The following CFAP206 variants were observed in gnomAD, a reference collection of about 807,000 sequenced individuals.
The protein encoded by CFAP206 is cilia- and flagella-associated protein 206.
A neutral mutation model predicts 65.4 loss-of-function variants in CFAP206; 53 were observed. That is an observed-to-expected ratio of 0.81 (90% CI 0.65 to 1.02). The LOEUF is 1.02. Ranked by LOEUF, CFAP206 falls within the 50% of genes least tolerant of loss-of-function variation. The pLI, the probability that CFAP206 is intolerant of heterozygous loss-of-function variation, is 0.00. For missense variants in CFAP206, 663 were observed against 753.2 expected (o/e 0.88, Z 1.40); for synonymous variants, 250 against 254.4 (o/e 0.98, Z 0.17).
chr6:87,446,617 A>G (rs1425950682), intron 11 of CFAP206, among the ~76,000 whole-genome samples: 1 of 152,142 alleles, frequency 6.6e-6, no homozygotes, highest in Non-Finnish European at 1.5e-5. Flanking sequence ...ATAGTTTGAA[A>G]TTGGGTAGCA....
chr6:87,420,238 A>T (rs2127949114), intron 7 of CFAP206, among the ~76,000 whole-genome samples: 1 of 152,350 alleles, frequency 6.6e-6, no homozygotes, highest in Non-Finnish European at 1.5e-5. Flanking sequence ...AGTCCACAGG[A>T]GTAGAACTTC....
At position 87,416,655 on chromosome 6, in the gene CFAP206, CT is replaced by C. The variant is rs1767835197; in HGVS notation, c.473-13del. ...CATTTTGTTTTCCTTTTTTTTTTTT[CT>C]GGTTTATTTTAGCTGCTCTACAGAG... On this transcript the variant is annotated splice_polypyrimidine_tract_variant and intron_variant, in intron 5 of 12. Coordinates refer to ENST00000369562, the MANE Select transcript of CFAP206 (RefSeq NM_001031743.3). 1 of 1,309,772 alleles carries C rather than the reference CT, an allele frequency of 7.6e-7. No homozygotes were observed. The highest frequency in any genetic ancestry group is 1.7e-5 in the African/African-American group (1 of 58,182). The allele number at this position is 1,309,772 out of a possible 1,614,324, so 81.1% of individuals were successfully genotyped here. A position where few individuals can be genotyped will look rare whatever the true frequency, so the allele number is the denominator to read the frequency against.
intron 1 of CFAP206, 87 bp from the exon 2 acceptor site, chr6:87,409,748 A>G (rs1188691992): frequency 1.2e-6 from 1 of 820,448 alleles, no homozygotes; most frequent in African/African-American, 1.7e-5. Flanking sequence ...ACTGTTTACA[A>G]ATACAATATT....
At chr6:87,424,910 C>T (rs557471345) in intron 7 of CFAP206, among the ~76,000 whole-genome samples, 1 of 152,312 alleles carries the variant, frequency 6.6e-6, no homozygotes, top group South Asian at 2.1e-4. Context: ...CCTGTATATC[C>T]TGAACTGCAA....
At chr6:87,412,025 G>A (rs544850242) in intron 3 of CFAP206, among the ~76,000 whole-genome samples, 1 of 152,324 alleles carries the variant, frequency 6.6e-6, no homozygotes, top group Non-Finnish European at 1.5e-5. Flanking sequence ...GAGAATCCAG[G>A]AGGGGCAGAA....
chr6:87,447,736 G>T (rs747248796), intron 11 of CFAP206, among the ~76,000 whole-genome samples: 6 of 152,128 alleles, frequency 3.9e-5, no homozygotes, highest in Non-Finnish European at 7.4e-5. Context: ...TTGTTTGGAA[G>T]AATATCAGAA....
Position 87,434,964 on chromosome 6 carries a change from ATAGT to A in CFAP206, c.1409_1412del (p.Val470GlufsTer10), listed in dbSNP as rs763888826. 10 of 1,594,928 alleles carry A rather than the reference ATAGT, an allele frequency of 6.3e-6. No homozygotes were observed. Among genetic ancestry groups the A allele is most frequent in the African/African-American group, 4.0e-5 (3 of 74,442 alleles). On this transcript the variant is annotated frameshift_variant, in exon 11 of 13. Transcript: ENST00000369562. LOFTEE classifies it high-confidence loss of function. ...AGAAAATCCTGAACATTATATTGAC[ATAGT>A]TAGAGAAAAGGCCAAAAAAAATACA...
chr6:87,431,170 C>A lies in CFAP206; in HGVS notation c.1297C>A (p.Pro433Thr). 6.2e-7 allele frequency: 1 copy of A among 1,612,458 alleles called. No individual in the cohort carries two copies. Among genetic ancestry groups the A allele is most frequent in the Non-Finnish European group, 8.5e-7 (1 of 1,179,158 alleles). Residue 433 changes from proline to threonine, a missense_variant, in exon 10 of 13, where the codon CCA becomes ACA. Physicochemically the swap from Pro to Thr is conservative, Grantham distance 38. Coordinates refer to ENST00000369562, the MANE Select transcript of CFAP206 (RefSeq NM_001031743.3). ...TFAATDGLLLPGNPAIGILKY... is the reference protein window; with the variant it reads ...TFAATDGLLLTGNPAIGILKY... ...TGCTGCAACAGATGGTCTTCTCCTT[C>A]CAGGTATATCATTGGAAATGAGACT...
intron 3 of CFAP206, among the ~76,000 whole-genome samples, chr6:87,412,752 G>A (rs988020274): frequency 3.3e-5 from 5 of 151,958 alleles, no homozygotes; most frequent in East Asian, 1.9e-4. Flanking sequence ...TCCACCTCCC[G>A]GGTTCTCAAG....
intron 11 of CFAP206, among the ~76,000 whole-genome samples, chr6:87,448,229 CA>C (rs1160514801): frequency 2.6e-5 from 4 of 152,012 alleles, no homozygotes; most frequent in Non-Finnish European, 5.9e-5. Flanking sequence ...GATCATAGCC[CA>C]CTGCAGCCTC....
intron 11 of CFAP206, among the ~76,000 whole-genome samples, chr6:87,436,430 C>G (rs1311543111): frequency 6.6e-6 from 1 of 152,030 alleles, no homozygotes; most frequent in African/African-American, 2.4e-5. Context: ...AGCAGGTGGG[C>G]TTTGTGCCAT....
chr6:87,414,144 CATA>C (rs1295982291), intron 4 of CFAP206, among the ~76,000 whole-genome samples: 1 of 152,078 alleles, frequency 6.6e-6, no homozygotes, highest in Non-Finnish European at 1.5e-5. Flanking sequence ...GGCACTAATA[CATA>C]ATAATTAGGA....
In CFAP206 at chr6:87,416,735, AAGAACGCC is replaced by A; in HGVS notation, c.542_549del (p.Glu181AlafsTer15). On this transcript the variant is annotated frameshift_variant, in exon 6 of 13. Coordinates refer to ENST00000369562, the MANE Select transcript of CFAP206 (RefSeq NM_001031743.3). LOFTEE classifies it high-confidence loss of function. ...TTTCTAACTCTTTCTAAGAAGGACA[AAGAACGCC>A]AGCTGAAAGAACTCACCATGATTGT... 1 of 1,613,848 alleles carries A rather than the reference AAGAACGCC, an allele frequency of 6.2e-7. No homozygotes were observed. Among genetic ancestry groups the A allele is most frequent in the East Asian group, 2.2e-5 (1 of 44,842 alleles).
At chr6:87,414,780 T>A (rs1429879195) in intron 4 of CFAP206, among the ~76,000 whole-genome samples, 1 of 152,224 alleles carries the variant, frequency 6.6e-6, no homozygotes, top group African/African-American at 2.4e-5. Flanking sequence ...GATGTTTCTC[T>A]TTGTTAGTTT....
chr6:87,410,677 C>T lies in CFAP206; in HGVS notation c.192+9C>T. 1 of 1,605,090 alleles carries T rather than the reference C, an allele frequency of 6.2e-7. No individual in the cohort carries two copies. Among genetic ancestry groups the T allele is most frequent in the Non-Finnish European group, 8.5e-7 (1 of 1,172,872 alleles). On this transcript the variant is annotated intron_variant, in intron 3 of 12. Coordinates refer to ENST00000369562, the MANE Select transcript of CFAP206 (RefSeq NM_001031743.3). Reference sequence around the variant, plus strand: ...TGCAGAATCTTGTTAAGGTGATTACCCAACAGTCCTCAAATTTGCAATTAC... The same window carrying T: ...TGCAGAATCTTGTTAAGGTGATTACTCAACAGTCCTCAAATTTGCAATTAC...
intron 7 of CFAP206, 58 bp from the exon 8 acceptor site, chr6:87,426,468 A>G (rs951835146): frequency 1.4e-5 from 19 of 1,329,250 alleles, no homozygotes; most frequent in Non-Finnish European, 1.9e-5. Flanking sequence ...TCTGAAACAC[A>G]TATGATTTTT....
At chr6:87,439,632 C>T (rs1216455685) in intron 11 of CFAP206, among the ~76,000 whole-genome samples, 2 of 151,906 alleles carry the variant, frequency 1.3e-5, no homozygotes, top group Admixed American at 6.6e-5. Context: ...TTTGAGATCA[C>T]GAAAATATTC....
chr6:87,423,320 C>A (rs1337998620), intron 7 of CFAP206, among the ~76,000 whole-genome samples: 1 of 151,332 alleles, frequency 6.6e-6, no homozygotes, highest in Non-Finnish European at 1.5e-5. Flanking sequence ...GTGATCTCCG[C>A]TCACTGCAAG....
intron 12 of CFAP206, among the ~76,000 whole-genome samples, chr6:87,461,382 ATCTG>A (rs747091516): frequency 4.7e-4 from 72 of 152,206 alleles, no homozygotes; most frequent in Non-Finnish European, 7.8e-4. Flanking sequence ...CTATATATCT[ATCTG>A]TCTATCATCA....
Sources: gnomAD v4.1 joint callset for allele counts (sites outside exome capture counted in the v4.1 genomes callset) on GRCh38, gnomAD v4.1.1 for gene constraint, MANE v1.5 for transcripts, NCBI Gene and HGNC (gene_info 2026-07-23, HGNC 2026-07-21) for gene names.